Variants in RFWD3 observed in about 807,000 individuals in gnomAD.
The protein encoded by RFWD3 is E3 ubiquitin-protein ligase RFWD3.
In RFWD3, 65 loss-of-function variants were observed where a neutral mutation model predicts 87.7. The ratio of observed to expected loss-of-function variants is 0.74; its 90% CI spans 0.61 to 0.91. The LOEUF is 0.91. Among genes scored for constraint, RFWD3 ranks in the 40% least tolerant of loss-of-function variants. The probability of loss-of-function intolerance (pLI) is 0.00; values close to 1 mark genes in which losing one functional copy is unlikely to be tolerated. For missense variants in RFWD3, 1,078 were observed against 938.5 expected, an observed-to-expected ratio of 1.15 and a Z score of -1.94; for synonymous variants, 433 against 352.8, an observed-to-expected ratio of 1.23 and a Z score of -2.55.
chr16:74,638,656 TAC>T lies in RFWD3; in HGVS notation c.1080-688_1080-687del, dbSNP rs551888730. 7.3e-4 allele frequency among the ~76,000 whole-genome samples: 111 copies of T among 152,286 alleles called. 2 individuals are homozygous for T. The highest frequency in any genetic ancestry group is 3.4e-3 in the Middle Eastern group (1 of 294). On this transcript the variant is annotated intron_variant, in intron 6 of 12. Coordinates refer to ENST00000361070, the MANE Select transcript of RFWD3 (RefSeq NM_018124.4). ...AATTTAAGAGAACCCCCAAAACAAT[TAC>T]AGTTTAGCAACGCTGCTGGACTCAA...
chr16:74,652,138 G>T lies in RFWD3; in HGVS notation c.519-16C>A. On this transcript the variant is annotated splice_polypyrimidine_tract_variant and intron_variant, in intron 2 of 12. Transcript: ENST00000361070. Reference sequence around the variant, plus strand: ...TGCTCTCAACCTATGTACACAGAAAGACAACGGAATTATAGTACAATGAAC... The same window carrying T: ...TGCTCTCAACCTATGTACACAGAAATACAACGGAATTATAGTACAATGAAC... 6.2e-7 allele frequency: 1 copy of T among 1,608,782 alleles called. No individual in the cohort carries two copies. The highest frequency in any genetic ancestry group is 8.5e-7 in the Non-Finnish European group (1 of 1,175,556).
intron 3 of RFWD3, among the ~76,000 whole-genome samples, chr16:74,649,700 T>C (rs1419553869): frequency 6.6e-6 from 1 of 152,174 alleles, no homozygotes; most frequent in Non-Finnish European, 1.5e-5. Context: ...AATTTCCCAA[T>C]AGTTTTAAAG....
rs368615205 is a variant in RFWD3 at position 74,630,942 on chromosome 16, G to A, written c.1593C>T (p.Thr531=). 2.9e-5 allele frequency: 47 copies of A among 1,608,360 alleles called. No homozygotes were observed. The highest frequency in any genetic ancestry group is 1.6e-4 in the East Asian group (7 of 44,832). Residue 531 remains threonine (T), a synonymous_variant, in exon 10 of 13, where the codon ACC becomes ACT. Transcript: ENST00000361070. Reference sequence around the variant, plus strand: ...GTCCAGCATTATAAGTCTGGACCACGGTATTTGTCTCCAGGCTGTGGAGTT... The same window carrying A: ...GTCCAGCATTATAAGTCTGGACCACAGTATTTGTCTCCAGGCTGTGGAGTT... The part of the protein sequence containing the change: ...TIKLTSLETN[T]VVQTYNAGRP...
At chr16:74,648,823 T>C (rs1487027711) in intron 4 of RFWD3, among the ~76,000 whole-genome samples, 1 of 151,804 alleles carries the variant, frequency 6.6e-6, no homozygotes, top group Admixed American at 6.6e-5. Context: ...TGGTGGCTCA[T>C]GACTACAATC....
Position 74,632,530 on chromosome 16 carries a change from G to C in RFWD3, c.1570C>G (p.Leu524Val), listed in dbSNP as rs1294426314. ...LSASLDNTIK[L>V]TSLETNTVVQ... ...CTTCCCCAAATCACTCACCTGGTCA[G>C]TTTAATAGTGTTGTCTAGGGAAGCA... is the stretch of plus-strand genomic sequence containing the variant. Residue 524 changes from leucine (L) to valine (V), a missense_variant, in exon 9 of 13, where the codon CTG (leucine) becomes GTG (valine). Coordinates refer to ENST00000361070, the MANE Select transcript of RFWD3 (RefSeq NM_018124.4). The C allele has an allele frequency of 1.2e-6, 2 of 1,613,820 alleles. No homozygotes were observed. Among genetic ancestry groups the C allele is most frequent in the Admixed American group, 1.7e-5 (1 of 59,980 alleles).
At position 74,637,851 on chromosome 16, in the gene RFWD3, C is replaced by T; in HGVS notation, c.1194+5G>A. On this transcript the variant is annotated splice_donor_5th_base_variant and intron_variant, in intron 7 of 12. Transcript: ENST00000361070. Reference sequence around the variant, plus strand: ...AGTTCTTTGGATTAGAAAGGACAAACGTACCTGAACACGCCTTTGAAGCCT... The same window carrying T: ...AGTTCTTTGGATTAGAAAGGACAAATGTACCTGAACACGCCTTTGAAGCCT... The T allele has an allele frequency of 6.2e-7, 1 of 1,605,928 alleles. No individual in the cohort carries two copies. The highest frequency in any genetic ancestry group is 8.5e-7 in the Non-Finnish European group (1 of 1,174,078).
Position 74,661,048 on chromosome 16 carries a change from C to T in RFWD3, c.402G>A (p.Leu134=). Residue 134 remains leucine (L), a synonymous_variant, in exon 2 of 13, where the codon CTG becomes CTA. Coordinates refer to ENST00000361070, the MANE Select transcript of RFWD3 (RefSeq NM_018124.4). The part of the protein sequence containing the change: ...ISGLQRLHGM[L]EFLRPSSSNH... Reference sequence around the variant, plus strand: ...TTGAAGATGAAGGTCTCAGGAATTCCAGCATGCCATGAAGTCTCTGCAGTC... The same window carrying T: ...TTGAAGATGAAGGTCTCAGGAATTCTAGCATGCCATGAAGTCTCTGCAGTC... 6.2e-7 allele frequency: 1 copy of T among 1,614,228 alleles called. No individual in the cohort carries two copies. Among genetic ancestry groups the T allele is most frequent in the Non-Finnish European group, 8.5e-7 (1 of 1,180,044 alleles).
At chr16:74,658,518 C>A (rs961123162) in intron 2 of RFWD3, among the ~76,000 whole-genome samples, 4 of 152,196 alleles carry the variant, frequency 2.6e-5, no homozygotes, top group African/African-American at 9.7e-5. Flanking sequence ...AAACACCACA[C>A]TGAGAAATTC....
At chr16:74,627,828 T>C (rs1202457720) in intron 11 of RFWD3, among the ~76,000 whole-genome samples, 1 of 152,150 alleles carries the variant, frequency 6.6e-6, no homozygotes, top group African/African-American at 2.4e-5. Flanking sequence ...GGCTAGAGTT[T>C]ATAGCCACTC....
intron 1 of RFWD3, among the ~76,000 whole-genome samples, chr16:74,662,421 A>G (rs1961520177): frequency 6.6e-6 from 1 of 152,224 alleles, no homozygotes; most frequent in South Asian, 2.1e-4. Flanking sequence ...AGAGGCAAAA[A>G]CAGATAAGAC....
intron 1 of RFWD3, among the ~76,000 whole-genome samples, chr16:74,664,963 C>A (rs1274817199): frequency 1.3e-5 from 2 of 152,170 alleles, no homozygotes; most frequent in African/African-American, 4.8e-5. Context: ...AACGAGAGAC[C>A]ATGGGCTGGG....
chr16:74,628,388 C>T, intron 11 of RFWD3, 64 bp downstream of exon 11: 3 of 1,489,430 alleles, frequency 2.0e-6, no homozygotes, highest in Admixed American at 3.4e-5. Context: ...GGATCAAACC[C>T]TCCTTCCCTT....
At chr16:74,653,198 G>C (rs1046749738) in intron 2 of RFWD3, among the ~76,000 whole-genome samples, 4 of 152,006 alleles carry the variant, frequency 2.6e-5, no homozygotes, top group Admixed American at 2.6e-4. Flanking sequence ...ATATAGCCAG[G>C]CATGGTGGTG....
intron 2 of RFWD3, among the ~76,000 whole-genome samples, chr16:74,653,294 G>A (rs1043270884): frequency 2.6e-5 from 4 of 151,936 alleles, no homozygotes; most frequent in Admixed American, 6.6e-5. Flanking sequence ...AGCCATGATG[G>A]TGCCCATACT....
intron 4 of RFWD3, among the ~76,000 whole-genome samples, chr16:74,648,315 T>G (rs576508539): frequency 6.6e-6 from 1 of 151,610 alleles, no homozygotes; most frequent in South Asian, 2.1e-4. Flanking sequence ...CTTCCCATTT[T>G]AACCTGCAGC....
At chr16:74,654,299 C>G (rs1427826587) in intron 2 of RFWD3, among the ~76,000 whole-genome samples, 1 of 151,998 alleles carries the variant, frequency 6.6e-6, no homozygotes, top group African/African-American at 2.4e-5. Flanking sequence ...TTTTTCTATT[C>G]TCTATTTCAT....
At chr16:74,652,559 G>T (rs1960650619) in intron 2 of RFWD3, among the ~76,000 whole-genome samples, 1 of 152,114 alleles carries the variant, frequency 6.6e-6, no homozygotes, top group Non-Finnish European at 1.5e-5. Context: ...ACAGTACAGG[G>T]TCTGGCTTCT....
intron 2 of RFWD3, among the ~76,000 whole-genome samples, chr16:74,657,478 C>CTT (rs386385075): frequency 0.55 from 67,266 of 122,342 alleles, 18,824 homozygotes; most frequent in East Asian, 0.76. Context: ...TTTTCTTTTT[C>CTT]TTTTTTTTTT....
At chr16:74,634,272 C>A (rs1198092430) in intron 8 of RFWD3, among the ~76,000 whole-genome samples, 6 of 152,112 alleles carry the variant, frequency 3.9e-5, no homozygotes, top group Non-Finnish European at 8.8e-5. Context: ...ACCCACATTA[C>A]TGAAGTGGGG....
Sources: gnomAD v4.1 joint callset for allele counts (sites outside exome capture counted in the v4.1 genomes callset) on GRCh38, gnomAD v4.1.1 for gene constraint, MANE v1.5 for transcripts, NCBI Gene and HGNC (gene_info 2026-07-23, HGNC 2026-07-21) for gene names.